The following SH3D19 variants were observed in gnomAD, a reference collection of about 807,000 sequenced individuals.
The protein encoded by SH3D19 is SH3 domain containing 19, also known as SH3 domain-containing protein 19.
SH3D19 carries 58 observed loss-of-function variants against 112.1 expected under a neutral mutation model. The ratio of observed to expected loss-of-function variants is 0.52; its 90% confidence interval spans 0.42 to 0.64. The LOEUF (loss-of-function observed/expected upper bound fraction) is 0.64. Among genes scored for constraint, SH3D19 ranks in the 30% least tolerant of loss-of-function variants. SH3D19 has a pLI of 0.00. For missense variants in SH3D19, 1,090 were observed against 1,263.4 expected (o/e 0.86, Z 2.08); for synonymous variants, 391 against 448.5 (o/e 0.87, Z 1.62).
chr4:151,224,088 T>G (rs1768550354), intron 2 of SH3D19, among the ~76,000 whole-genome samples: 1 of 152,084 alleles, frequency 6.6e-6, no homozygotes, highest in African/African-American at 2.4e-5. Context: ...GGCAGGTGGA[T>G]CACGAGGTCA....
At chr4:151,135,943 T>C (rs1751740174) in intron 14 of SH3D19, among the ~76,000 whole-genome samples, 1 of 151,696 alleles carries the variant, frequency 6.6e-6, no homozygotes, top group African/African-American at 2.4e-5. Context: ...GGATCAGGAG[T>C]TCGAGACTAG....
At position 151,122,342 on chromosome 4, in the gene SH3D19, C is replaced by G. The variant is rs1428354390; in HGVS notation, c.3028-135G>C. ...TTGATTGTTGAGAATTAAATGACAA[C>G]AATGATCTATACCTAATGATGCCAT... is the stretch of plus-strand genomic sequence containing the variant. On this transcript the variant is annotated intron_variant, in intron 19 of 19. Transcript: ENST00000604030. 3 of 602,974 alleles carry G rather than the reference C, an allele frequency of 5.0e-6. No homozygotes were observed. The African/African-American group carries it at 5.6e-5, about 11-fold the overall frequency. The allele number at this position is 602,974 out of a possible 1,614,324, so 37.4% of individuals were successfully genotyped here.
chr4:151,144,458 T>C, intron 11 of SH3D19: 2 of 622,714 alleles, frequency 3.2e-6, no homozygotes, highest in East Asian at 2.7e-5. Flanking sequence ...TTCTCATGGA[T>C]GTTAAGAGGC....
At chr4:151,264,438 A>AAC (rs1047592052) in intron 1 of SH3D19, among the ~76,000 whole-genome samples, 1 of 151,044 alleles carries the variant, frequency 6.6e-6, no homozygotes, top group Non-Finnish European at 1.5e-5. Flanking sequence ...AAAAAAAAAA[A>AAC]AAAAAACCAA....
intron 2 of SH3D19, among the ~76,000 whole-genome samples, chr4:151,193,665 C>T (rs1303170584): frequency 6.6e-6 from 1 of 152,170 alleles, no homozygotes; most frequent in Non-Finnish European, 1.5e-5. Flanking sequence ...GGTTAGGTTA[C>T]ATGACATGGA....
rs892764149 is a variant in SH3D19 at position 151,226,468 on chromosome 4, T to C, written c.113-382A>G. The C allele has an allele frequency of 1.0e-5, 10 of 990,788 alleles. No individual in the cohort carries two copies. In the African/African-American group the frequency reaches 1.4e-4, roughly 14 times the overall value. The allele number at this position is 990,788 out of a possible 1,614,324, so 61.4% of individuals were successfully genotyped here. A position where few individuals can be genotyped will look rare whatever the true frequency, so the allele number is the denominator to read the frequency against. On this transcript the variant is annotated intron_variant, in intron 1 of 19. Transcript: ENST00000604030. ...AAAAAAATCATTCCATGAATCATGG[T>C]TGGCAGAAGCTTCTAACAGAATGGG... is the stretch of plus-strand genomic sequence containing the variant.
chr4:151,270,285 G>A (rs1247360278), intron 1 of SH3D19, among the ~76,000 whole-genome samples: 4 of 152,144 alleles, frequency 2.6e-5, no homozygotes, highest in Non-Finnish European at 4.4e-5. Flanking sequence ...AGTTTCTCCT[G>A]AATGGTTTAT....
chr4:151,317,321 T>C (rs1730086375), intron 1 of SH3D19, among the ~76,000 whole-genome samples: 1 of 152,224 alleles, frequency 6.6e-6, no homozygotes, highest in South Asian at 2.1e-4. Flanking sequence ...ATCCTTTCAA[T>C]TAATACACCA....
At chr4:151,237,328 T>C (rs1448463591) in intron 1 of SH3D19, among the ~76,000 whole-genome samples, 5 of 152,232 alleles carry the variant, frequency 3.3e-5, no homozygotes, top group Non-Finnish European at 7.3e-5. Flanking sequence ...TTTAATTCTA[T>C]CACTTATATA....
At chr4:151,182,713 T>A (rs941081321) in intron 3 of SH3D19, among the ~76,000 whole-genome samples, 18 of 152,220 alleles carry the variant, frequency 1.2e-4, no homozygotes, top group Non-Finnish European at 2.9e-5. Flanking sequence ...ACACTTTTGG[T>A]TTTCACTGCA....
rs1002579947 is a variant in SH3D19, at chr4:151,161,619, C to CAT, written c.1643-2269_1643-2268dup. On this transcript the variant is annotated intron_variant, in intron 8 of 19. Coordinates refer to ENST00000604030, the MANE Select transcript of SH3D19 (RefSeq NM_001378122.1). Reference sequence around the variant, plus strand: ...CCTCACTTTGTTTTTGTCTTTTATACATATATATATATATATATATATTTT... The same window carrying CAT: ...CCTCACTTTGTTTTTGTCTTTTATACATATATATATATATATATATATATTTT... 3.0e-3 allele frequency among the ~76,000 whole-genome samples: 437 copies of CAT among 144,444 alleles called. 15 individuals carry two copies. The South Asian group carries it at 0.077, about 25-fold the overall frequency. The allele number at this position is 144,444 out of a possible 152,430, so 94.8% of individuals were successfully genotyped here.
intron 1 of SH3D19, among the ~76,000 whole-genome samples, chr4:151,307,842 T>C (rs1561449797): frequency 6.6e-6 from 1 of 152,238 alleles, no homozygotes; most frequent in Non-Finnish European, 1.5e-5. Flanking sequence ...CTTGTGTACA[T>C]AAGAGTTCCA....
At chr4:151,174,118 G>A (rs1432877873) in intron 7 of SH3D19, among the ~76,000 whole-genome samples, 1 of 152,168 alleles carries the variant, frequency 6.6e-6, no homozygotes, top group Non-Finnish European at 1.5e-5. Flanking sequence ...GCAACATGTG[G>A]CTGGGTCCTC....
intron 2 of SH3D19, among the ~76,000 whole-genome samples, chr4:151,193,823 T>C (rs976141937): frequency 7.9e-5 from 12 of 152,286 alleles, no homozygotes; most frequent in African/African-American, 2.9e-4. Flanking sequence ...TGATGTATAA[T>C]TGTGTTCAAT....
At chr4:151,126,257 C>A (rs777739917) in intron 19 of SH3D19, among the ~76,000 whole-genome samples, 1 of 152,104 alleles carries the variant, frequency 6.6e-6, no homozygotes, top group Admixed American at 6.6e-5. Context: ...CAAGTGAAAA[C>A]CCTGTTTGGT....
intron 1 of SH3D19, among the ~76,000 whole-genome samples, chr4:151,249,587 T>C (rs1580324250): frequency 6.6e-6 from 1 of 152,186 alleles, no homozygotes; most frequent in African/African-American, 2.4e-5. Context: ...AACTCAGAAT[T>C]AAACTCATAT....
At chr4:151,276,432 C>T (rs1198723356) in intron 1 of SH3D19, among the ~76,000 whole-genome samples, 1 of 152,138 alleles carries the variant, frequency 6.6e-6, no homozygotes, top group Non-Finnish European at 1.5e-5. Context: ...AACAGAGCCA[C>T]CTCACCCAAG....
intron 9 of SH3D19, among the ~76,000 whole-genome samples, chr4:151,152,162 A>G (rs947523088): frequency 3.3e-5 from 5 of 152,176 alleles, no homozygotes; most frequent in African/African-American, 1.2e-4. Flanking sequence ...ACATACTCCA[A>G]ATATTGAGAG....
chr4:151,275,835 TA>T (rs1335290213), intron 1 of SH3D19, among the ~76,000 whole-genome samples: 20 of 58,760 alleles, frequency 3.4e-4, no homozygotes, highest in African/African-American at 7.1e-4. Context: ...CTATTATTAT[TA>T]TTATTATTAT....
Sources: allele counts gnomAD v4.1 joint callset (sites outside exome capture counted in the v4.1 genomes callset), GRCh38; gene constraint gnomAD v4.1.1; transcripts MANE v1.5; gene names NCBI Gene and HGNC (gene_info 2026-07-23, HGNC 2026-07-21).